SNTG1: variants seen among roughly 807,000 people sequenced by gnomAD.
SNTG1 encodes the protein gamma-1-syntrophin.
In SNTG1, 39 loss-of-function variants were observed where a neutral mutation model predicts 74.7. The observed-to-expected ratio is 0.52, with a 90% confidence interval of 0.40 to 0.68. The LOEUF (loss-of-function observed/expected upper bound fraction) is 0.68. Ranked by LOEUF, SNTG1 falls within the 30% of genes least tolerant of loss-of-function variation. The pLI is 0.00. For missense variants in SNTG1, 685 were observed against 609.5 expected (o/e 1.12, Z -1.30); for synonymous variants, 254 against 217.1 (o/e 1.17, Z -1.49).
At chr8:50,013,481 AG>A (rs1816017345) in intron 1 of SNTG1, among the ~76,000 whole-genome samples, 1 of 151,088 alleles carries the variant, frequency 6.6e-6, no homozygotes, top group Non-Finnish European at 1.5e-5. Flanking sequence ...ATAGATAGAT[AG>A]ATAGATAGAT....
chr8:50,661,976 G>C (rs192000243), intron 15 of SNTG1, among the ~76,000 whole-genome samples: 1 of 152,150 alleles, frequency 6.6e-6, no homozygotes, highest in African/African-American at 2.4e-5. Flanking sequence ...CAGAGGAGTG[G>C]CTTCTAGATT....
At chr8:50,241,220 C>A (rs2086149762) in intron 2 of SNTG1, among the ~76,000 whole-genome samples, 1 of 152,084 alleles carries the variant, frequency 6.6e-6, no homozygotes, top group South Asian at 2.1e-4. Context: ...TATTGTGGTT[C>A]TTTAAAAATG....
intron 4 of SNTG1, among the ~76,000 whole-genome samples, chr8:50,422,075 G>A (rs933688374): frequency 3.3e-5 from 5 of 152,258 alleles, no homozygotes; most frequent in Non-Finnish European, 5.9e-5. Context: ...AAACGGCATG[G>A]AAAGGAGAGG....
At chr8:50,519,500 G>C (rs2094161710) in intron 9 of SNTG1, among the ~76,000 whole-genome samples, 1 of 152,306 alleles carries the variant, frequency 6.6e-6, no homozygotes, top group Admixed American at 6.5e-5. Context: ...AATAGGAAAA[G>C]AGGAAGTCAA....
At chr8:50,728,193 T>G (rs1215694427) in intron 17 of SNTG1, among the ~76,000 whole-genome samples, 1 of 152,086 alleles carries the variant, frequency 6.6e-6, no homozygotes. Flanking sequence ...CACCACACCT[T>G]GGGGGTGGTG....
chr8:50,063,238 A>G (rs1586108717), intron 1 of SNTG1, among the ~76,000 whole-genome samples: 1 of 152,244 alleles, frequency 6.6e-6, no homozygotes, highest in African/African-American at 2.4e-5. Context: ...TTGGAACACA[A>G]TAACAAAACT....
At chr8:50,103,879 A>T (rs1269860048) in intron 1 of SNTG1, among the ~76,000 whole-genome samples, 1 of 152,098 alleles carries the variant, frequency 6.6e-6, no homozygotes, top group East Asian at 1.9e-4. Flanking sequence ...ATTTGCAAAT[A>T]TTGAACCAGC....
At position 50,266,684 on chromosome 8, in the gene SNTG1, G is replaced by GTATATA. The variant is rs1554623724; in HGVS notation, c.-28+94059_-28+94064dup. On this transcript the variant is annotated intron_variant, in intron 2 of 18. Coordinates refer to ENST00000642720, the MANE Select transcript of SNTG1 (RefSeq NM_018967.5). The stretch of plus-strand genomic sequence containing the variant: ...TGTGTGTGTGTGTGTGTGTGTGTGT[G>GTATATA]TATATATATATATATGAATGATACA... Among the ~76,000 whole-genome samples the GTATATA allele has an allele frequency of 5.0e-3, 681 of 136,768 alleles. 11 individuals carry two copies. The highest frequency in any genetic ancestry group is 0.018 in the African/African-American group (646 of 35,042). The allele number at this position is 136,768 out of a possible 152,430, so 89.7% of individuals were successfully genotyped here. A position where few individuals can be genotyped will look rare whatever the true frequency, so the allele number is the denominator to read the frequency against.
At chr8:50,502,745 T>C in intron 8 of SNTG1, 33 bp from the exon 9 acceptor site, 4 of 1,540,632 alleles carry the variant, frequency 2.6e-6, no homozygotes, top group Non-Finnish European at 3.6e-6. Context: ...ATAAATGTAA[T>C]GATGATTGTA....
Position 49,914,612 on chromosome 8 carries a change from T to C in SNTG1, c.-103+2381T>C, listed in dbSNP as rs574914433. On this transcript the variant is annotated intron_variant, in intron 1 of 18. Coordinates refer to ENST00000642720, the MANE Select transcript of SNTG1 (RefSeq NM_018967.5). ...TATTACTTGTATATTCTAATGTAAT[T>C]ATTCATACCATGAAATCGTATTGGA... Among the ~76,000 whole-genome samples the C allele has an allele frequency of 2.6e-5, 4 of 152,306 alleles. No individual in the cohort carries two copies. The South Asian group carries it at 8.3e-4, about 32-fold the overall frequency.
intron 2 of SNTG1, among the ~76,000 whole-genome samples, chr8:50,181,915 G>A (rs887445273): frequency 3.9e-5 from 6 of 151,996 alleles, no homozygotes; most frequent in African/African-American, 1.2e-4. Flanking sequence ...GTGCAAGAAG[G>A]GCCAATTGAC....
chr8:50,448,104 G>A (rs1261729052), intron 5 of SNTG1, among the ~76,000 whole-genome samples: 1 of 152,122 alleles, frequency 6.6e-6, no homozygotes, highest in Non-Finnish European at 1.5e-5. Flanking sequence ...AGACCAAAAA[G>A]CAGAACAAGT....
At chr8:50,669,241 G>GTGAATCC (rs1201279955) in intron 15 of SNTG1, among the ~76,000 whole-genome samples, 4 of 150,764 alleles carry the variant, frequency 2.7e-5, no homozygotes, top group Non-Finnish European at 5.9e-5. Context: ...CAAAGAATTA[G>GTGAATCC]TGAATCCAGG....
chr8:50,609,899 T>C (rs2094838272), intron 13 of SNTG1, among the ~76,000 whole-genome samples: 1 of 152,140 alleles, frequency 6.6e-6, no homozygotes, highest in African/African-American at 2.4e-5. Context: ...CTATAATAAA[T>C]TATTTGAACA....
At chr8:50,083,174 G>A (rs938212248) in intron 1 of SNTG1, among the ~76,000 whole-genome samples, 10 of 152,156 alleles carry the variant, frequency 6.6e-5, no homozygotes, top group African/African-American at 2.4e-4. Flanking sequence ...CTGAAATTCA[G>A]TAGTCTCAAT....
At chr8:50,213,440 T>C (rs2084620224) in intron 2 of SNTG1, among the ~76,000 whole-genome samples, 1 of 152,224 alleles carries the variant, frequency 6.6e-6, no homozygotes. Context: ...TTTTCTGGCA[T>C]ATGAATAAAT....
chr8:50,769,471 T>C (rs2095621921), intron 18 of SNTG1, among the ~76,000 whole-genome samples: 1 of 152,028 alleles, frequency 6.6e-6, no homozygotes, highest in Admixed American at 6.6e-5. Context: ...CCAAGTACTG[T>C]ATTATGTTCT....
rs16914289 is a variant in SNTG1 at position 50,112,058 on chromosome 8, C to G, written c.-102-60503C>G. Among the ~76,000 whole-genome samples the G allele has an allele frequency of 5.3e-3, 804 of 152,002 alleles. 11 individuals carry two copies. The highest frequency in any genetic ancestry group is 0.018 in the African/African-American group (760 of 41,474). On this transcript the variant is annotated intron_variant, in intron 1 of 18. Transcript: ENST00000642720. ...AATTTAGTAGTACTGGAAAAATGGTCTGATAGAAAAGACAAGTGTTAATCT... is the reference window on the plus strand; with the variant it reads ...AATTTAGTAGTACTGGAAAAATGGTGTGATAGAAAAGACAAGTGTTAATCT...
chr8:50,489,458 G>C (rs1423440867), intron 8 of SNTG1, among the ~76,000 whole-genome samples: 1 of 152,146 alleles, frequency 6.6e-6, no homozygotes, highest in Admixed American at 6.5e-5. Flanking sequence ...ACCTTTTAAT[G>C]ATCGCCATTC....
Sources: allele counts gnomAD v4.1 joint callset (sites outside exome capture counted in the v4.1 genomes callset), GRCh38; gene constraint gnomAD v4.1.1; transcripts MANE v1.5; gene names NCBI Gene and HGNC (gene_info 2026-07-23, HGNC 2026-07-21).